Variants in SPATA13 observed in about 807,000 individuals in gnomAD.
SPATA13 encodes the protein spermatogenesis-associated protein 13.
SPATA13 carries 50 observed loss-of-function variants against 104.0 expected under a neutral mutation model. The observed-to-expected ratio is 0.48, with a 90% CI of 0.38 to 0.61. The LOEUF (loss-of-function observed/expected upper bound fraction) is 0.61, where lower values mean the gene tolerates loss of function less well. SPATA13 is among the 20% of genes least tolerant of loss of function. The pLI, the probability that SPATA13 is intolerant of heterozygous loss-of-function variation, is 0.00. For synonymous variants in SPATA13, 606 were observed against 667.5 expected (o/e 0.91, Z 1.42); for missense variants, 1,524 against 1,690.6 (o/e 0.90, Z 1.73).
chr13:24,128,566 G>A (rs751294041), intron 3 of SPATA13, among the ~76,000 whole-genome samples: 1 of 151,814 alleles, frequency 6.6e-6, no homozygotes, highest in South Asian at 2.1e-4. Flanking sequence ...CCTGTCTTTC[G>A]GCATCCCAAA....
chr13:24,122,421 ATCT>A (rs1266663383), intron 3 of SPATA13: 25 of 1,593,176 alleles, frequency 1.6e-5, no homozygotes, highest in Non-Finnish European at 2.1e-5. Context: ...CTTCCGCATC[ATCT>A]TCTTACCAGT....
At chr13:24,141,233 C>CA (rs1413755495) in intron 3 of SPATA13, among the ~76,000 whole-genome samples, 3 of 151,390 alleles carry the variant, frequency 2.0e-5, no homozygotes, top group Admixed American at 2.0e-4. Flanking sequence ...GTAATTCCAA[C>CA]AGTTTAGGAG....
Position 24,223,672 on chromosome 13 carries a change from G to A in SPATA13, c.743G>A (p.Gly248Asp), listed in dbSNP as rs1231870281. The A allele has an allele frequency of 2.6e-6, 4 of 1,552,196 alleles. No individual in the cohort carries two copies. Among genetic ancestry groups the A allele is most frequent in the Non-Finnish European group, 2.6e-6 (3 of 1,147,112 alleles). Residue 248 changes from glycine to aspartate, a missense_variant, in exon 2 of 13, where the codon GGC becomes GAC. Gly to Asp is a moderately conservative substitution (Grantham distance 94, BLOSUM62 -1). Transcript: ENST00000382108. ...AGGGACCCTGAAAACAACAGCATGGGCTACAGGAGGAGCAAGAGCACGGAC... is the reference window on the plus strand; with the variant it reads ...AGGGACCCTGAAAACAACAGCATGGACTACAGGAGGAGCAAGAGCACGGAC... ...LVRDPENNSM[G>D]YRRSKSTDNL...
intron 2 of SPATA13, among the ~76,000 whole-genome samples, chr13:23,993,835 G>A (rs1027317028): frequency 3.9e-5 from 6 of 152,180 alleles, no homozygotes; most frequent in Non-Finnish European, 5.9e-5. Context: ...TGAGGGTGAG[G>A]TCATTGCATA....
intron 1 of SPATA13, among the ~76,000 whole-genome samples, chr13:24,194,036 A>G (rs1869917580): frequency 6.6e-6 from 1 of 152,192 alleles, no homozygotes; most frequent in Non-Finnish European, 1.5e-5. Context: ...TTCATAGCCC[A>G]TCTTCCCAAC....
intron 3 of SPATA13, among the ~76,000 whole-genome samples, chr13:24,142,144 G>A (rs187135857): frequency 1.8e-3 from 265 of 151,224 alleles, no homozygotes; most frequent in African/African-American, 5.4e-3. Context: ...GCTACAAATA[G>A]GACAGAGGGG....
chr13:24,123,762 A>T, intron 3 of SPATA13: 1 of 1,345,764 alleles, frequency 7.4e-7, no homozygotes, highest in Non-Finnish European at 1.1e-6. Context: ...AATGCCTTGT[A>T]TATGGGGCTT....
intron 1 of SPATA13, among the ~76,000 whole-genome samples, chr13:24,181,089 GT>G (rs200531030): frequency 3.3e-5 from 5 of 150,056 alleles, no homozygotes; most frequent in South Asian, 2.1e-4. Context: ...CGGTATAAAA[GT>G]TTTTTTTTTA....
intron 2 of SPATA13, among the ~76,000 whole-genome samples, chr13:24,016,402 A>G (rs1055562616): frequency 6.6e-6 from 1 of 152,228 alleles, no homozygotes; most frequent in Non-Finnish European, 1.5e-5. Context: ...TGGATGTCAC[A>G]TCAGTTTTCT....
intron 1 of SPATA13, among the ~76,000 whole-genome samples, chr13:24,191,288 T>G (rs918227710): frequency 6.6e-6 from 1 of 152,128 alleles, no homozygotes; most frequent in Non-Finnish European, 1.5e-5. Context: ...ATTTTAAAAT[T>G]AATGTATGTA....
intron 3 of SPATA13, among the ~76,000 whole-genome samples, chr13:24,133,300 T>A (rs1467645282): frequency 6.6e-6 from 1 of 152,198 alleles, no homozygotes; most frequent in Non-Finnish European, 1.5e-5. Flanking sequence ...GAGATTAAGT[T>A]CATCTGGTAG....
chr13:24,025,097 A>G (rs2182226), intron 3 of SPATA13, among the ~76,000 whole-genome samples: 81,299 of 151,360 alleles, frequency 0.54, 22,009 homozygotes, highest in Middle Eastern at 0.57. Flanking sequence ...TCTTCTTTCT[A>G]GAGGTAGCCA....
chr13:24,179,339 G>A (rs1364044342), intron 1 of SPATA13, among the ~76,000 whole-genome samples: 1 of 152,112 alleles, frequency 6.6e-6, no homozygotes, highest in Non-Finnish European at 1.5e-5. Context: ...TTGAAATTTT[G>A]GAAGAATTGC....
chr13:24,167,605 T>TTA (rs1882796744), intron 1 of SPATA13, among the ~76,000 whole-genome samples: 1 of 152,208 alleles, frequency 6.6e-6, no homozygotes, highest in Non-Finnish European at 1.5e-5. Flanking sequence ...GGGAATGTTA[T>TTA]GTGAATTGGG....
At chr13:24,192,992 C>T (rs1414212702) in intron 1 of SPATA13, among the ~76,000 whole-genome samples, 1 of 152,140 alleles carries the variant, frequency 6.6e-6, no homozygotes, top group East Asian at 1.9e-4. Flanking sequence ...ATTATAAGTG[C>T]TCTTTAAGGT....
intron 3 of SPATA13, among the ~76,000 whole-genome samples, chr13:24,064,571 G>T (rs1201981553): frequency 6.6e-6 from 1 of 152,160 alleles, no homozygotes; most frequent in African/African-American, 2.4e-5. Context: ...TGAGAACATA[G>T]CAAGAAGACA....
rs1870672651 is a variant in SPATA13 at position 24,205,849 on chromosome 13, TA to T, written c.-111-16968del. Reference sequence around the variant, plus strand: ...AGCAATGGAGAAAGGATACCCTATTTAATAAATGGTGCTCGGAGAACAAGCT... The same window carrying T: ...AGCAATGGAGAAAGGATACCCTATTTATAAATGGTGCTCGGAGAACAAGCT... On this transcript the variant is annotated intron_variant, in intron 1 of 12. Coordinates refer to ENST00000382108, the MANE Select transcript of SPATA13 (RefSeq NM_001166271.3). The surrounding 1 kb of genome is among the most constrained non-coding windows in gnomAD (Gnocchi z 4.1). 6.6e-6 allele frequency among the ~76,000 whole-genome samples: 1 copy of T among 152,180 alleles called. No individual in the cohort carries two copies. Among genetic ancestry groups the T allele is most frequent in the African/African-American group, 2.4e-5 (1 of 41,438 alleles).
At chr13:24,273,244 G>A (rs1289490145) in intron 4 of SPATA13, 1 of 152,784 alleles carries the variant, frequency 6.5e-6, no homozygotes, top group Non-Finnish European at 1.5e-5. Context: ...GCAGGAGGGA[G>A]TGGAGCTGCT....
In SPATA13 at chr13:24,286,334, G is replaced by A; in HGVS notation, c.2422G>A (p.Asp808Asn). 1 of 1,613,430 alleles carries A rather than the reference G, an allele frequency of 6.2e-7. No homozygotes were observed. The highest frequency in any genetic ancestry group is 8.5e-7 in the Non-Finnish European group (1 of 1,180,030). ...VIQVLEASNK[D>N]WWWGRSEDKE... ...CCAGGTTCTGGAAGCCTCCAACAAG[G>A]ACTGGTGGTGGGGCCGCAGTGAAGA... Residue 808 changes from aspartate (D) to asparagine (N), a missense_variant, in exon 6 of 13, where the codon GAC becomes AAC. Transcript: ENST00000382108. This position sits in a 1 kb window ranked among gnomAD's most constrained non-coding sequence, Gnocchi z 4.9.
Sources: gnomAD v4.1 joint callset for allele counts (sites outside exome capture counted in the v4.1 genomes callset) on GRCh38, gnomAD v4.1.1 for gene constraint, Gnocchi (gnomAD v3.1) non-coding constraint, MANE v1.5 for transcripts, NCBI Gene and HGNC (gene_info 2026-07-23, HGNC 2026-07-21) for gene names.